Variants in PPARG observed in about 807,000 individuals in gnomAD.
The protein encoded by PPARG is peroxisome proliferator-activated receptor gamma.
In PPARG, 17 loss-of-function variants were observed where a neutral mutation model predicts 39.2. The ratio of observed to expected loss-of-function variants is 0.43; its 90% confidence interval spans 0.30 to 0.65. The LOEUF (loss-of-function observed/expected upper bound fraction) is 0.65. Ranked by LOEUF, PPARG falls within the 30% of genes least tolerant of loss-of-function variation. The pLI is 0.13. For synonymous variants in PPARG, 223 were observed against 215.7 expected (o/e 1.03, Z -0.30); for missense variants, 406 against 585.9 (o/e 0.69, Z 3.17).
At chr3:12,288,713 G>T (rs1399590039), upstream of PPARG, 1 of 152,282 alleles carries the variant, frequency 6.6e-6, no homozygotes, top group Non-Finnish European at 1.5e-5. Flanking sequence ...CTGACGCGTT[G>T]TGCTGGCCCT....
chr3:12,358,076 C>T (rs1169988328), intron 2 of PPARG, among the ~76,000 whole-genome samples: 1 of 152,120 alleles, frequency 6.6e-6, no homozygotes, highest in African/African-American at 2.4e-5. Context: ...TGCTACAAAC[C>T]AGGCACAAAT....
intron 2 of PPARG, among the ~76,000 whole-genome samples, chr3:12,364,186 A>G (rs1013187000): frequency 6.6e-6 from 1 of 152,222 alleles, no homozygotes; most frequent in Non-Finnish European, 1.5e-5. Context: ...TCACTGACCT[A>G]AAAATCCTCT....
At chr3:12,415,331 A>G (rs2051021580) in intron 6 of PPARG, among the ~76,000 whole-genome samples, 1 of 152,224 alleles carries the variant, frequency 6.6e-6, no homozygotes, top group African/African-American at 2.4e-5. Context: ...ACTTTTCTTA[A>G]GTCACATGGC....
In PPARG at chr3:12,398,801, C is replaced by T. The variant is rs561992222; in HGVS notation, c.529+6049C>T. ...CTTAGAAGAGGCCATTAGTTCTGGC[C>T]GAGAGAAAAGCATTCAGGATTTTTA... On this transcript the variant is annotated intron_variant, in intron 5 of 7. Coordinates refer to ENST00000651735, the MANE Select transcript of PPARG (RefSeq NM_138711.6). Among the ~76,000 whole-genome samples the T allele has an allele frequency of 3.2e-4, 48 of 152,212 alleles. No individual in the cohort carries two copies. In the South Asian group the frequency reaches 8.9e-3, roughly 28 times the overall value.
At chr3:12,416,620 T>C (rs2125283658) in intron 6 of PPARG, 84 bp from the exon 7 acceptor site, 1 of 1,330,082 alleles carries the variant, frequency 7.5e-7, no homozygotes, top group East Asian at 2.4e-5. Context: ...CAAGTTTACA[T>C]AAACAGTTTT....
At chr3:12,417,877 C>CTTTTTTTTTTCTTTTTTTTTTTTTT (rs2051117527) in intron 7 of PPARG, among the ~76,000 whole-genome samples, 1 of 64,652 alleles carries the variant, frequency 1.5e-5, no homozygotes, top group Non-Finnish European at 3.8e-5. Flanking sequence ...TGACTTTTTT[C>CTTTTTTTTTTCTTTTTTTTTTTTTT]TTTTTTTTTT....
At chr3:12,334,069 T>C (rs1395175743) in intron 2 of PPARG, among the ~76,000 whole-genome samples, 2 of 152,170 alleles carry the variant, frequency 1.3e-5, no homozygotes, top group African/African-American at 4.8e-5. Context: ...TTCACCTCTT[T>C]GCAGCTTCTT....
At chr3:12,405,831 C>T in intron 5 of PPARG, 51 bp from the exon 6 acceptor site, 7 of 1,563,784 alleles carry the variant, frequency 4.5e-6, no homozygotes, top group Non-Finnish European at 6.1e-6. Context: ...AGTGTGTGTT[C>T]AGAGCAGTAG....
intron 2 of PPARG, among the ~76,000 whole-genome samples, chr3:12,335,221 T>C (rs1442513174): frequency 6.6e-6 from 1 of 152,196 alleles, no homozygotes; most frequent in Non-Finnish European, 1.5e-5. Flanking sequence ...TTAGGTGGTG[T>C]TTACAGACCT....
intron 2 of PPARG, among the ~76,000 whole-genome samples, chr3:12,339,221 T>C (rs112496962): frequency 6.6e-6 from 1 of 152,190 alleles, no homozygotes; most frequent in Non-Finnish European, 1.5e-5. Flanking sequence ...ATATATCATA[T>C]GATTCCATTT....
chr3:12,355,692 CA>C (rs2125104343), intron 2 of PPARG, among the ~76,000 whole-genome samples: 1 of 152,264 alleles, frequency 6.6e-6, no homozygotes, highest in Non-Finnish European at 1.5e-5. Flanking sequence ...GGAAACACCC[CA>C]AAGAAGTATC....
intron 2 of PPARG, among the ~76,000 whole-genome samples, chr3:12,330,433 G>C (rs1241241948): frequency 6.6e-6 from 1 of 151,946 alleles, no homozygotes. Context: ...ATTTGTATGG[G>C]TTCTTTGGAG....
At chr3:12,293,234 C>T (rs2046693401) in intron 1 of PPARG, among the ~76,000 whole-genome samples, 1 of 152,138 alleles carries the variant, frequency 6.6e-6, no homozygotes, top group Non-Finnish European at 1.5e-5. Flanking sequence ...AGGATTTAAA[C>T]TAGATTGTGT....
chr3:12,347,639 G>C (rs1318465118), intron 2 of PPARG, among the ~76,000 whole-genome samples: 1 of 152,154 alleles, frequency 6.6e-6, no homozygotes, highest in Non-Finnish European at 1.5e-5. Context: ...GAGCTTGGCT[G>C]GTCATTCTGG....
chr3:12,420,877 A>G, intron 7 of PPARG, among the ~76,000 whole-genome samples: 1 of 152,152 alleles, frequency 6.6e-6, no homozygotes, highest in East Asian at 1.9e-4. Context: ...AAGATGACCT[A>G]GTTCTTCTCG....
At chr3:12,360,630 A>G (rs1014346097) in intron 2 of PPARG, among the ~76,000 whole-genome samples, 2 of 149,680 alleles carry the variant, frequency 1.3e-5, no homozygotes, top group African/African-American at 4.9e-5. Context: ...TGACTATTCT[A>G]ATTTCTAACT....
At chr3:12,395,669 T>C (rs1184507220) in intron 5 of PPARG, among the ~76,000 whole-genome samples, 2 of 152,220 alleles carry the variant, frequency 1.3e-5, no homozygotes, top group East Asian at 3.8e-4. Context: ...GCTTCAGAAA[T>C]ATGTTTTTTC....
intron 2 of PPARG, chr3:12,351,437 C>T: frequency 3.0e-6 from 2 of 677,022 alleles, no homozygotes; most frequent in South Asian, 3.3e-5. Context: ...GTGTTTATTC[C>T]CATCTCTCCC....
intron 1 of PPARG, among the ~76,000 whole-genome samples, chr3:12,305,518 C>CT (rs1413496621): frequency 1.3e-5 from 2 of 152,176 alleles, no homozygotes; most frequent in Admixed American, 6.5e-5. Context: ...TTTCTGTCCT[C>CT]TTTTTTCCAA....
Sources: gnomAD v4.1 joint callset for allele counts (sites outside exome capture counted in the v4.1 genomes callset) on GRCh38, gnomAD v4.1.1 for gene constraint, MANE v1.5 for transcripts, NCBI Gene and HGNC (gene_info 2026-07-23, HGNC 2026-07-21) for gene names.